The following XPR1 variants were observed in gnomAD, a reference collection of about 807,000 sequenced individuals.
XPR1 encodes the protein xenotropic and polytropic retrovirus receptor 1.
A neutral mutation model predicts 87.5 loss-of-function variants in XPR1; 28 were observed. The observed-to-expected ratio is 0.32, with a 90% CI of 0.24 to 0.44. XPR1 has a LOEUF of 0.44. Ranked by LOEUF, XPR1 falls within the 20% of genes least tolerant of loss-of-function variation. The pLI, the probability that XPR1 is intolerant of heterozygous loss-of-function variation, is 1.00. For synonymous variants in XPR1, 300 were observed against 306.1 expected, an observed-to-expected ratio of 0.98 and a Z score of 0.21; for missense variants, 559 against 862.3, an observed-to-expected ratio of 0.65 and a Z score of 4.41.
At position 180,680,650 on chromosome 1, in the gene XPR1, C is replaced by G. The variant is rs1415960609; in HGVS notation, c.70-1710C>G. 2.0e-5 allele frequency among the ~76,000 whole-genome samples: 3 copies of G among 152,186 alleles called. No homozygotes were observed. The East Asian group carries it at 5.8e-4, about 29-fold the overall frequency. On this transcript the variant is annotated intron_variant, in intron 1 of 14. Coordinates refer to ENST00000367590, the MANE Select transcript of XPR1 (RefSeq NM_004736.4). ...AGTGCTGGGATTGCAGGCGTGAGCA[C>G]TGCGCCCGGCCCAAATAGAACTATT... is the stretch of plus-strand genomic sequence containing the variant.
intron 2 of XPR1, among the ~76,000 whole-genome samples, chr1:180,764,634 T>A (rs548355479): frequency 3.9e-5 from 6 of 151,912 alleles, no homozygotes; most frequent in African/African-American, 1.4e-4. Context: ...CATGCCTGGC[T>A]AATGTTTGTA....
chr1:180,759,473 A>G lies in XPR1; in HGVS notation c.122-28280A>G, dbSNP rs1404974313. Among the ~76,000 whole-genome samples, 9 of 152,340 alleles carry G rather than the reference A, an allele frequency of 5.9e-5. No individual in the cohort carries two copies. In the East Asian group the frequency reaches 1.7e-3, roughly 29 times the overall value. ...ACAGAAATACAAACTACCATCAGAG[A>G]ATACTACAAACACCTCTACGCACAT... On this transcript the variant is annotated intron_variant, in intron 2 of 14. Coordinates refer to ENST00000367590, the MANE Select transcript of XPR1 (RefSeq NM_004736.4).
At chr1:180,797,319 T>TA (rs1649622825) in intron 3 of XPR1, among the ~76,000 whole-genome samples, 1 of 152,214 alleles carries the variant, frequency 6.6e-6, no homozygotes, top group Admixed American at 6.5e-5. Context: ...TGTGGTCCCA[T>TA]ACAAGCCCTA....
At chr1:180,697,641 T>A (rs1477618247) in intron 2 of XPR1, among the ~76,000 whole-genome samples, 1 of 152,128 alleles carries the variant, frequency 6.6e-6, no homozygotes, top group Non-Finnish European at 1.5e-5. Flanking sequence ...TTGGGTATGT[T>A]GTGGTTCTAT....
intron 1 of XPR1, among the ~76,000 whole-genome samples, chr1:180,665,949 T>G (rs1194568485): frequency 6.6e-6 from 1 of 152,206 alleles, no homozygotes; most frequent in East Asian, 1.9e-4. Context: ...TTGCTCTGCC[T>G]CCCCTAACTA....
intron 9 of XPR1, among the ~76,000 whole-genome samples, chr1:180,830,879 G>A (rs1651032036): frequency 6.6e-6 from 1 of 152,212 alleles, no homozygotes; most frequent in Non-Finnish European, 1.5e-5. Flanking sequence ...GAATATGTTA[G>A]GAAGAGTCTG....
chr1:180,851,716 A>G (rs1215035869), intron 11 of XPR1, among the ~76,000 whole-genome samples: 2 of 152,142 alleles, frequency 1.3e-5, no homozygotes, highest in Admixed American at 6.6e-5. Flanking sequence ...AGATATTGGA[A>G]GAGGTTCTGA....
At chr1:180,857,123 T>C (rs566936383) in intron 11 of XPR1, among the ~76,000 whole-genome samples, 2 of 152,364 alleles carry the variant, frequency 1.3e-5, no homozygotes, top group Admixed American at 1.3e-4. Flanking sequence ...TTTTTGAATA[T>C]GGTTACTAGA....
At position 180,652,972 on chromosome 1, in the gene XPR1, A is replaced by G. The variant is rs527521055; in HGVS notation, c.69+20702A>G. Among the ~76,000 whole-genome samples the G allele has an allele frequency of 5.3e-5, 8 of 152,320 alleles. No homozygotes were observed. In the East Asian group the frequency reaches 7.7e-4, roughly 15 times the overall value. On this transcript the variant is annotated intron_variant, in intron 1 of 14. Transcript: ENST00000367590. ...AGGCTTCACTGGTCTGGAGGATCCA[A>G]TTCTAGGCTGACTCACTCAAATGGT... is the stretch of plus-strand genomic sequence containing the variant.
At chr1:180,703,599 A>T (rs1036559524) in intron 2 of XPR1, among the ~76,000 whole-genome samples, 10 of 152,194 alleles carry the variant, frequency 6.6e-5, no homozygotes, top group South Asian at 6.2e-4. Flanking sequence ...AGCAGTGGTG[A>T]ACAAGGGCAG....
chr1:180,728,329 A>G (rs953985863), intron 2 of XPR1, among the ~76,000 whole-genome samples: 1 of 144,666 alleles, frequency 6.9e-6, no homozygotes, highest in African/African-American at 2.7e-5. Context: ...AACTATGTTG[A>G]TGGGGCTACA....
At chr1:180,872,979 C>T (rs1392461271) in intron 12 of XPR1, among the ~76,000 whole-genome samples, 6 of 150,600 alleles carry the variant, frequency 4.0e-5, no homozygotes, top group African/African-American at 1.5e-4. Flanking sequence ...TTTAGAATAG[C>T]ATTCTCACAA....
intron 1 of XPR1, among the ~76,000 whole-genome samples, chr1:180,666,876 A>G (rs1293326636): frequency 6.6e-6 from 1 of 150,800 alleles, no homozygotes; most frequent in Non-Finnish European, 1.5e-5. Context: ...GAAAATGGGC[A>G]TCTTTTCCTT....
At chr1:180,810,019 C>G (rs1650150575) in intron 6 of XPR1, among the ~76,000 whole-genome samples, 1 of 151,974 alleles carries the variant, frequency 6.6e-6, no homozygotes, top group Non-Finnish European at 1.5e-5. Flanking sequence ...CTGAAATGTA[C>G]TATCATCTCT....
At chr1:180,660,997 A>G (rs1043006951) in intron 1 of XPR1, among the ~76,000 whole-genome samples, 4 of 152,224 alleles carry the variant, frequency 2.6e-5, no homozygotes, top group Non-Finnish European at 5.9e-5. Context: ...CTTTAGCTCT[A>G]ATAATATTTG....
intron 2 of XPR1, among the ~76,000 whole-genome samples, chr1:180,689,487 C>T (rs1039881916): frequency 4.0e-5 from 6 of 151,886 alleles, no homozygotes; most frequent in African/African-American, 1.5e-4. Flanking sequence ...TTTATTACTC[C>T]ATATAGTTCC....
At chr1:180,717,178 A>C (rs1037105193) in intron 2 of XPR1, among the ~76,000 whole-genome samples, 7 of 152,106 alleles carry the variant, frequency 4.6e-5, no homozygotes, top group African/African-American at 1.7e-4. Context: ...TTTTTAGTAG[A>C]GAAGGTGTTT....
chr1:180,666,434 T>C (rs937161543), intron 1 of XPR1, among the ~76,000 whole-genome samples: 1 of 152,252 alleles, frequency 6.6e-6, no homozygotes, highest in Non-Finnish European at 1.5e-5. Context: ...AGGATGTGTT[T>C]CCATTTATTT....
intron 1 of XPR1, among the ~76,000 whole-genome samples, chr1:180,636,325 T>C (rs148226601): frequency 1.3e-5 from 2 of 152,340 alleles, no homozygotes; most frequent in African/African-American, 2.4e-5. Flanking sequence ...TCAGACACTT[T>C]TGTAAATCAA....
Sources: allele counts gnomAD v4.1 joint callset (sites outside exome capture counted in the v4.1 genomes callset), GRCh38; gene constraint gnomAD v4.1.1; transcripts MANE v1.5; gene names NCBI Gene and HGNC (gene_info 2026-07-23, HGNC 2026-07-21).